The following RRP1 variants were observed in gnomAD, a reference collection of about 807,000 sequenced individuals.
RRP1 encodes ribosomal RNA processing protein 1 homolog A.
In RRP1, 37 loss-of-function variants were observed where a neutral mutation model predicts 54.6. That is an observed-to-expected ratio of 0.68 (90% CI 0.52 to 0.89). The LOEUF is 0.89. RRP1 is among the 40% of genes least tolerant of loss of function. The pLI, the probability that RRP1 is intolerant of heterozygous loss-of-function variation, is 0.00. For synonymous variants in RRP1, 262 were observed against 244.3 expected (o/e 1.07, Z -0.67); for missense variants, 639 against 612.5 (o/e 1.04, Z -0.46).
In RRP1 at chr21:43,800,600, C is replaced by T. The variant is rs771010465; in HGVS notation, c.975C>T (p.Tyr325=). Residue 325 remains tyrosine (Y), a synonymous_variant, in exon 10 of 13, where the codon TAC becomes TAT. Transcript: ENST00000497547. The stretch of plus-strand genomic sequence containing the variant: ...CTTCTCAGAACAGAAAGCGTCTCTA[C>T]AAAGTGATCCGGAAGTGAGTGTGTG... ...STPSQNRKRL[Y]KVIRKLQDLA... is the part of the protein sequence containing the mutation. 3 of 1,614,196 alleles carry T rather than the reference C, an allele frequency of 1.9e-6. No individual in the cohort carries two copies. Among genetic ancestry groups the T allele is most frequent in the East Asian group, 4.5e-5 (2 of 44,886 alleles).
chr21:43,798,312 C>T (rs549306047), intron 8 of RRP1, among the ~76,000 whole-genome samples: 59 of 152,268 alleles, frequency 3.9e-4, no homozygotes, highest in African/African-American at 1.3e-3. Context: ...ATGTGCTCCA[C>T]GCCCTCTCCG....
rs1488713879 is a variant in RRP1 at position 43,789,780 on chromosome 21, C to G, written c.133+18C>G. 7 of 1,496,946 alleles carry G rather than the reference C, an allele frequency of 4.7e-6. No homozygotes were observed. The highest frequency in any genetic ancestry group is 6.2e-6 in the Non-Finnish European group (7 of 1,121,040). The allele number at this position is 1,496,946 out of a possible 1,614,324, so 92.7% of individuals were successfully genotyped here. ...GGCCGCAGGTTGGCGGGGGTGTGGG[C>G]GGCTGGCGTCTCGGGGGCCGGCTGG... On this transcript the variant is annotated intron_variant, in intron 1 of 12. Transcript: ENST00000497547.
At chr21:43,797,363 G>A (rs1402314660) in intron 5 of RRP1, 59 bp from the exon 6 acceptor site, 1 of 1,552,074 alleles carries the variant, frequency 6.4e-7, no homozygotes, top group Admixed American at 1.8e-5. Context: ...AGAGTGGGGG[G>A]CACGGCTGTC....
At position 43,800,572 on chromosome 21, in the gene RRP1, C is replaced by G. The variant is rs754874509; in HGVS notation, c.947C>G (p.Thr316Ser). 1 of 1,614,264 alleles carries G rather than the reference C, an allele frequency of 6.2e-7. No homozygotes were observed. Residue 316 changes from threonine (T) to serine (S), a missense_variant, in exon 10 of 13, where the codon ACC (threonine) becomes AGC (serine). Physicochemically the swap from Thr to Ser is moderately conservative, Grantham distance 58. Coordinates refer to ENST00000497547, the MANE Select transcript of RRP1 (RefSeq NM_003683.6). ...RLFEMASRQS[T>S]PSQNRKRLYK... Reference sequence around the variant, plus strand: ...TTTGAAATGGCCAGCCGCCAGAGCACCCCTTCTCAGAACAGAAAGCGTCTC... The same window carrying G: ...TTTGAAATGGCCAGCCGCCAGAGCAGCCCTTCTCAGAACAGAAAGCGTCTC...
At chr21:43,797,750 G>A (rs1463126070) in intron 7 of RRP1, 55 bp downstream of exon 7, 3 of 1,600,806 alleles carry the variant, frequency 1.9e-6, no homozygotes, top group Non-Finnish European at 2.6e-6. Flanking sequence ...TCTTCCATGG[G>A]GCTGCTGTTG....
chr21:43,803,600 A>G lies in RRP1; in HGVS notation c.1212A>G (p.Ala404=), dbSNP rs1391158513. 2 of 1,551,716 alleles carry G rather than the reference A, an allele frequency of 1.3e-6. No individual in the cohort carries two copies. Among genetic ancestry groups the G allele is most frequent in the Non-Finnish European group, 1.7e-6 (2 of 1,148,120 alleles). ...RGVGADPEAR[A]EAGEQPGTAE... ...TAGGGGCCGACCCCGAGGCGCGGGC[A>G]GAGGCTGGTGAGCAGCCAGGCACAG... The change falls in exon 13 of 13, where the codon GCA becomes GCG. Residue 404 remains alanine, a synonymous_variant. Transcript: ENST00000497547.
Position 43,803,574 on chromosome 21 carries a change from G to A in RRP1, c.1186G>A (p.Val396Ile), listed in dbSNP as rs1366414497. 33 of 1,554,524 alleles carry A rather than the reference G, an allele frequency of 2.1e-5. No individual in the cohort carries two copies. The highest frequency in any genetic ancestry group is 2.9e-5 in the Non-Finnish European group (33 of 1,149,598). Reference protein sequence around the residue: ...MERKRSRRRGVGADPEARAEA... With the variant: ...MERKRSRRRGIGADPEARAEA... ...GAGGAAGAGGAGCAGGAGGAGGGGT[G>A]TAGGGGCCGACCCCGAGGCGCGGGC... Residue 396 changes from valine to isoleucine, a missense_variant, in exon 13 of 13, where the codon GTA (valine) becomes ATA (isoleucine). Coordinates refer to ENST00000497547, the MANE Select transcript of RRP1 (RefSeq NM_003683.6).
chr21:43,802,464 C>T, intron 12 of RRP1, 77 bp downstream of exon 12: 2 of 1,124,134 alleles, frequency 1.8e-6, no homozygotes, highest in East Asian at 4.7e-5. Context: ...GGGTCACCTG[C>T]AGTGTCTCCC....
Position 43,793,360 on chromosome 21 carries a change from G to A in RRP1, c.316G>A (p.Glu106Lys), listed in dbSNP as rs369505824. The change falls in exon 4 of 13, where the codon GAG becomes AAG. Residue 106 changes from glutamate to lysine, a missense_variant. Glu to Lys is a moderately conservative substitution (Grantham distance 56). Coordinates refer to ENST00000497547, the MANE Select transcript of RRP1 (RefSeq NM_003683.6). ...LQAFWQTMNR[E>K]WTGIDRLRLD... ...GGCCTTCTGGCAGACCATGAATCGC[G>A]AGTGGACGGGCATTGACAGGCTGCG... The A allele has an allele frequency of 3.1e-5, 50 of 1,613,956 alleles. No homozygotes were observed. In the Middle Eastern group the frequency reaches 6.6e-4, roughly 21 times the overall value.
intron 9 of RRP1, among the ~76,000 whole-genome samples, 180 bp from the exon 10 acceptor site, chr21:43,800,337 G>A (rs1005933600): frequency 6.6e-6 from 1 of 152,208 alleles, no homozygotes; most frequent in Non-Finnish European, 1.5e-5. Context: ...TGTGGTGCCC[G>A]CTGTGCTGTA....
intron 11 of RRP1, 41 bp from the exon 12 acceptor site, chr21:43,802,233 C>T (rs1268821003): frequency 1.1e-5 from 17 of 1,484,314 alleles, no homozygotes; most frequent in Non-Finnish European, 1.6e-5. Context: ...CCATAAGTCC[C>T]CAGCCCCCGA....
Position 43,789,848 on chromosome 21 carries a change from T to C in RRP1, c.133+86T>C, listed in dbSNP as rs963647895. On this transcript the variant is annotated intron_variant, in intron 1 of 12. Coordinates refer to ENST00000497547, the MANE Select transcript of RRP1 (RefSeq NM_003683.6). ...CGGCGGCGGCCGGAGCTGGGGGCCC[T>C]CCGAGCCCTGTGGAACCTCCACGTG... 10 of 1,376,478 alleles carry C rather than the reference T, an allele frequency of 7.3e-6. No homozygotes were observed. In the Admixed American group the frequency reaches 1.7e-4, roughly 24 times the overall value. The allele number at this position is 1,376,478 out of a possible 1,614,324, so 85.3% of individuals were successfully genotyped here.
Position 43,803,615 on chromosome 21 carries a change from GC to G in RRP1, c.1229del (p.Pro410GlnfsTer31). 1 of 1,551,178 alleles carries G rather than the reference GC, an allele frequency of 6.4e-7. No individual in the cohort carries two copies. ...PEARAEAGEQPGTAERALLRD... is the reference protein window; with the variant it reads ...PEARAEAGEQXGTAERALLRD... ...AGGCGCGGGCAGAGGCTGGTGAGCA[GC>G]CAGGCACAGCTGAGCGGGCCCTGCT... is the stretch of plus-strand genomic sequence containing the variant. On this transcript the variant is annotated frameshift_variant, in exon 13 of 13. Coordinates refer to ENST00000497547, the MANE Select transcript of RRP1 (RefSeq NM_003683.6). LOFTEE classifies it low-confidence loss of function (END_TRUNC).
chr21:43,796,742 A>G (rs1328362161), intron 5 of RRP1, among the ~76,000 whole-genome samples: 1 of 152,186 alleles, frequency 6.6e-6, no homozygotes, highest in East Asian at 1.9e-4. Context: ...CTTCCTAAGG[A>G]TCACACAGTT....
At chr21:43,791,243 G>GT (rs1455710034) in intron 1 of RRP1, 107 bp from the exon 2 acceptor site, 2 of 1,177,372 alleles carry the variant, frequency 1.7e-6, no homozygotes, top group Non-Finnish European at 2.5e-6. Flanking sequence ...TGCCTTTACC[G>GT]TAAGTGGGAC....
chr21:43,789,845 C>T (rs1282568256), intron 1 of RRP1, 83 bp downstream of exon 1: 4 of 1,381,258 alleles, frequency 2.9e-6, no homozygotes, highest in African/African-American at 3.1e-5. Context: ...GAGCTGGGGG[C>T]CCTCCGAGCC....
Position 43,801,233 on chromosome 21 carries a change from C to T in RRP1, c.1009+352C>T, listed in dbSNP as rs555831888. ...GGCGGATGGAACTGGCATAGGTTAT[C>T]GGAAGGACGGTTTCCTAGTGGGCGT... On this transcript the variant is annotated intron_variant, in intron 11 of 12. Transcript: ENST00000497547. 3.3e-5 allele frequency among the ~76,000 whole-genome samples: 5 copies of T among 152,260 alleles called. No individual in the cohort carries two copies. The South Asian group carries it at 6.2e-4, about 19-fold the overall frequency.
At position 43,795,361 on chromosome 21, in the gene RRP1, GC is replaced by G; in HGVS notation, c.422+116del. ...GATGTCAGCCTTTATATTAACGCAT[GC>G]CCCCAATCGTGCTTAGAGAGAAGAT... On this transcript the variant is annotated intron_variant, in intron 5 of 12. Coordinates refer to ENST00000497547, the MANE Select transcript of RRP1 (RefSeq NM_003683.6). 3.1e-6 allele frequency: 3 copies of G among 976,726 alleles called. No individual in the cohort carries two copies. The South Asian group carries it at 3.9e-5, about 13-fold the overall frequency. The allele number at this position is 976,726 out of a possible 1,614,324, so 60.5% of individuals were successfully genotyped here.
At chr21:43,799,933 G>A (rs1349450600) in intron 9 of RRP1, among the ~76,000 whole-genome samples, 2 of 152,190 alleles carry the variant, frequency 1.3e-5, no homozygotes, top group Admixed American at 6.5e-5. Flanking sequence ...CTCACCTCAC[G>A]CTGTCCTCTT....
Sources: allele counts gnomAD v4.1 joint callset (sites outside exome capture counted in the v4.1 genomes callset), GRCh38; gene constraint gnomAD v4.1.1; transcripts MANE v1.5; gene names NCBI Gene and HGNC (gene_info 2026-07-23, HGNC 2026-07-21).